Variants in AXDND1 observed in about 807,000 individuals in gnomAD.
AXDND1 encodes axonemal dynein light chain domain-containing protein 1.
In AXDND1, 110 loss-of-function variants were observed where a neutral mutation model predicts 137.5. The observed-to-expected ratio is 0.80, with a 90% CI of 0.69 to 0.94. The LOEUF (loss-of-function observed/expected upper bound fraction) is 0.94, where lower values mean the gene tolerates loss of function less well. Among genes scored for constraint, AXDND1 ranks in the 40% least tolerant of loss-of-function variants. AXDND1 has a pLI of 0.00. For synonymous variants in AXDND1, 414 were observed against 399.7 expected (o/e 1.04, Z -0.43); for missense variants, 1,191 against 1,169.8 (o/e 1.02, Z -0.26).
At chr1:179,441,934 C>T (rs1340307374) in intron 15 of AXDND1, among the ~76,000 whole-genome samples, 62 of 152,182 alleles carry the variant, frequency 4.1e-4, no homozygotes, top group Non-Finnish European at 7.4e-5. Context: ...GGGTAAAAGA[C>T]GCATAGCACC....
At chr1:179,525,531 C>T (rs1386677901) in intron 22 of AXDND1, 84 bp downstream of exon 22, 2 of 1,398,324 alleles carry the variant, frequency 1.4e-6, no homozygotes, top group Non-Finnish European at 1.9e-6. Flanking sequence ...GGGTCCTGCC[C>T]TGTCACCCAG....
At chr1:179,399,607 A>G (rs779820296) in intron 11 of AXDND1, among the ~76,000 whole-genome samples, 1 of 152,262 alleles carries the variant, frequency 6.6e-6, no homozygotes, top group Non-Finnish European at 1.5e-5. Flanking sequence ...GTGTTTGCAC[A>G]GCAAAAGGAA....
At chr1:179,464,937 G>A (rs1662910392) in intron 16 of AXDND1, among the ~76,000 whole-genome samples, 1 of 152,128 alleles carries the variant, frequency 6.6e-6, no homozygotes, top group Admixed American at 6.5e-5. Context: ...GCATCACGTA[G>A]TTCTTATGCC....
intron 17 of AXDND1, among the ~76,000 whole-genome samples, chr1:179,479,560 G>A (rs982560852): frequency 1.3e-4 from 19 of 151,374 alleles, no homozygotes; most frequent in South Asian, 6.3e-4. Flanking sequence ...GGCGGATCAC[G>A]AGGTCAGGAG....
intron 25 of AXDND1, among the ~76,000 whole-genome samples, chr1:179,549,714 A>G (rs562053415): frequency 6.6e-6 from 1 of 152,168 alleles, no homozygotes; most frequent in African/African-American, 2.4e-5. Flanking sequence ...AAAAGTGACC[A>G]ACAACCCTCG....
intron 12 of AXDND1, among the ~76,000 whole-genome samples, chr1:179,424,139 T>TGA (rs1468321376): frequency 5.1e-5 from 7 of 137,202 alleles, no homozygotes; most frequent in Admixed American, 5.0e-4. Context: ...AGGGTTTTGT[T>TGA]CGTTTGTTTG....
chr1:179,468,449 C>A lies in AXDND1; in HGVS notation c.1805C>A (p.Ser602Tyr). 6.2e-7 allele frequency: 1 copy of A among 1,604,766 alleles called. No individual in the cohort carries two copies. The highest frequency in any genetic ancestry group is 1.1e-5 in the South Asian group (1 of 89,488). The change falls in exon 17 of 26, where the codon TCC (serine) becomes TAC (tyrosine). Residue 602 changes from serine to tyrosine, a missense_variant. By Grantham distance (144) the Ser-to-Tyr change is moderately radical. Coordinates refer to ENST00000367618, the MANE Select transcript of AXDND1 (RefSeq NM_144696.6). Reference protein sequence around the residue: ...EIRINGDNGYSKILPSLISSL... With the variant: ...EIRINGDNGYYKILPSLISSL... ...GCTTTTCTTACTTTTCTAGGTTACT[C>A]CAAAATTCTTCCAAGTTTGATTAGT...
At chr1:179,503,892 T>C (rs1288580774) in intron 20 of AXDND1, among the ~76,000 whole-genome samples, 1 of 152,208 alleles carries the variant, frequency 6.6e-6, no homozygotes, top group Non-Finnish European at 1.5e-5. Context: ...ATAAACAGTG[T>C]AAGAGCATAG....
chr1:179,520,882 A>G (rs1014453774), intron 21 of AXDND1, among the ~76,000 whole-genome samples: 4 of 148,408 alleles, frequency 2.7e-5, no homozygotes, highest in African/African-American at 7.3e-5. Flanking sequence ...TTATATATAT[A>G]TACAGCATAT....
intron 4 of AXDND1, among the ~76,000 whole-genome samples, chr1:179,372,765 C>T (rs989192626): frequency 6.6e-6 from 1 of 152,070 alleles, no homozygotes; most frequent in Non-Finnish European, 1.5e-5. Flanking sequence ...CTCACCACAA[C>T]CTCTGCCTCC....
intron 11 of AXDND1, among the ~76,000 whole-genome samples, chr1:179,400,915 AAAAAAAAAAAAAG>A (rs1260371187): frequency 2.3e-4 from 35 of 148,942 alleles, no homozygotes; most frequent in Admixed American, 1.6e-3. Context: ...AAAAAAAAAA[AAAAAAAAAAAAAG>A]AAAAAAAAAA....
intron 11 of AXDND1, among the ~76,000 whole-genome samples, chr1:179,400,904 C>CAA (rs151090012): frequency 1.2e-3 from 64 of 53,666 alleles, no homozygotes; most frequent in Non-Finnish European, 1.4e-3. Context: ...GACTCTGTCT[C>CAA]AAAAAAAAAA....
chr1:179,493,059 C>A, intron 20 of AXDND1, 108 bp downstream of exon 20: 1 of 724,264 alleles, frequency 1.4e-6, no homozygotes, highest in Non-Finnish European at 2.2e-6. Flanking sequence ...AGAATACAAT[C>A]TTATAAGTTC....
At chr1:179,410,276 T>A (rs1232522038) in intron 11 of AXDND1, among the ~76,000 whole-genome samples, 2 of 152,144 alleles carry the variant, frequency 1.3e-5, no homozygotes, top group Admixed American at 1.3e-4. Flanking sequence ...TGTCGCCCAG[T>A]CTGGAGTGCA....
At chr1:179,448,628 C>T in intron 16 of AXDND1, 1 of 253,836 alleles carries the variant, frequency 3.9e-6, no homozygotes, top group South Asian at 4.7e-5. Flanking sequence ...GGCCCGCCGC[C>T]AGCGCTCCGC....
At chr1:179,467,965 TC>T (rs1663431102) in intron 16 of AXDND1, among the ~76,000 whole-genome samples, 1 of 152,194 alleles carries the variant, frequency 6.6e-6, no homozygotes, top group Non-Finnish European at 1.5e-5. Flanking sequence ...CAAGTTTTGT[TC>T]AGACTAAAAG....
chr1:179,404,042 T>C (rs1287994728), intron 11 of AXDND1, among the ~76,000 whole-genome samples: 1 of 152,204 alleles, frequency 6.6e-6, no homozygotes, highest in Admixed American at 6.5e-5. Flanking sequence ...GAATGTGCCA[T>C]GTATGGTCTG....
chr1:179,448,483 A>G, intron 16 of AXDND1: 1 of 412,798 alleles, frequency 2.4e-6, no homozygotes, highest in South Asian at 2.5e-5. Context: ...CAAATATTTA[A>G]TATAAAAGTT....
chr1:179,491,712 T>C lies in AXDND1; in HGVS notation c.2266T>C (p.Tyr756His). The change falls in exon 19 of 26, where the codon TAC (tyrosine) becomes CAC (histidine). Residue 756 changes from tyrosine (Y) to histidine (H), a missense_variant. By Grantham distance (83) the Tyr-to-His change is moderately conservative. Coordinates refer to ENST00000367618, the MANE Select transcript of AXDND1 (RefSeq NM_144696.6). ...LDAIELTRKL[Y>H]QYSSYLSSCC... ...TGCGATTGAACTGACAAGGAAGTTG[T>C]ACCAATACTCCAGCTATTTGAGCAG... 6.3e-7 allele frequency: 1 copy of C among 1,576,044 alleles called. No homozygotes were observed. The highest frequency in any genetic ancestry group is 8.6e-7 in the Non-Finnish European group (1 of 1,163,822).
Sources: allele counts gnomAD v4.1 joint callset (sites outside exome capture counted in the v4.1 genomes callset), GRCh38; gene constraint gnomAD v4.1.1; transcripts MANE v1.5; gene names NCBI Gene and HGNC (gene_info 2026-07-23, HGNC 2026-07-21).